Variants in MDGA2 observed in about 807,000 individuals in gnomAD.
MDGA2 encodes MAM domain-containing glycosylphosphatidylinositol anchor protein 2.
Under a neutral mutation model 117.8 loss-of-function variants are expected in MDGA2, and 40 were observed. The observed-to-expected ratio is 0.34, with a 90% CI of 0.26 to 0.44. The LOEUF (loss-of-function observed/expected upper bound fraction) is 0.44. MDGA2 is among the 20% of genes least tolerant of loss of function. The probability of loss-of-function intolerance (pLI) is 1.00; values close to 1 mark genes in which losing one functional copy is unlikely to be tolerated. For synonymous variants in MDGA2, 452 were observed against 439.0 expected (o/e 1.03, Z -0.37); for missense variants, 1,123 against 1,250.6 (o/e 0.90, Z 1.54).
chr14:47,448,613 G>T (rs1370715127), intron 1 of MDGA2, among the ~76,000 whole-genome samples: 1 of 152,108 alleles, frequency 6.6e-6, no homozygotes. Flanking sequence ...CAGGACAGAG[G>T]CTCACTTTTG....
chr14:46,894,353 T>A lies in MDGA2; in HGVS notation c.2239-12132A>T, dbSNP rs181600228. ...CTCCATTTCTTCTTCTTATATCAAATGTGTTGCTTTCAGTTTTTCCTGACA... is the reference window on the plus strand; with the variant it reads ...CTCCATTTCTTCTTCTTATATCAAAAGTGTTGCTTTCAGTTTTTCCTGACA... On this transcript the variant is annotated intron_variant, in intron 10 of 16. Transcript: ENST00000399232. Among the ~76,000 whole-genome samples, 10 of 152,230 alleles carry A rather than the reference T, an allele frequency of 6.6e-5. No individual in the cohort carries two copies. In the East Asian group the frequency reaches 9.7e-4, roughly 15 times the overall value.
chr14:47,311,524 A>G (rs4594173), intron 1 of MDGA2, among the ~76,000 whole-genome samples: 13,553 of 152,176 alleles, frequency 0.089, 736 homozygotes, highest in Non-Finnish European at 0.11. Context: ...CAGGAGACAG[A>G]GATCAGTGAG....
intron 4 of MDGA2, among the ~76,000 whole-genome samples, chr14:47,136,062 C>G (rs915171578): frequency 1.3e-5 from 2 of 152,048 alleles, no homozygotes; most frequent in Non-Finnish European, 2.9e-5. Flanking sequence ...TTCACCAAGG[C>G]TTGCTTTCTC....
chr14:47,674,817 ACTCACACACT>A lies in MDGA2; in HGVS notation c.-31_-22del, dbSNP rs1898149780. 1.6e-6 allele frequency: 1 copy of A among 642,748 alleles called. No individual in the cohort carries two copies. Among genetic ancestry groups the A allele is most frequent in the African/African-American group, 1.9e-5 (1 of 52,964 alleles). 39.8% of individuals were successfully genotyped at this position (642,748 alleles called of 1,614,324 possible). On this transcript the variant is annotated 5_prime_UTR_variant, in exon 1 of 17. Coordinates refer to ENST00000399232, the MANE Select transcript of MDGA2 (RefSeq NM_001113498.3). Reference sequence around the variant, plus strand: ...CTCATGCACACACACACTCACACACACTCACACACTCTCCCACAACACAATACCCTGACAC... The same window carrying A: ...CTCATGCACACACACACTCACACACACTCCCACAACACAATACCCTGACAC...
chr14:47,193,825 A>G (rs1389118377), intron 3 of MDGA2, among the ~76,000 whole-genome samples: 1 of 152,204 alleles, frequency 6.6e-6, no homozygotes, highest in East Asian at 1.9e-4. Context: ...GTCACTTGTC[A>G]TTTATTATAA....
At chr14:47,010,787 T>A (rs1003046680) in intron 8 of MDGA2, among the ~76,000 whole-genome samples, 1 of 152,072 alleles carries the variant, frequency 6.6e-6, no homozygotes, top group Admixed American at 6.6e-5. Flanking sequence ...AACAATTGCA[T>A]AGAAATGTCT....
intron 2 of MDGA2, among the ~76,000 whole-genome samples, chr14:47,237,985 C>A (rs2139595428): frequency 6.6e-6 from 1 of 152,232 alleles, no homozygotes; most frequent in South Asian, 2.1e-4. Flanking sequence ...GTTCACCAGG[C>A]CCTATATCCT....
intron 10 of MDGA2, among the ~76,000 whole-genome samples, chr14:46,891,328 T>TA (rs1882876114): frequency 6.6e-6 from 1 of 151,594 alleles, no homozygotes. Context: ...AATAAAATGA[T>TA]AAAAATGAAG....
At position 47,563,121 on chromosome 14, in the gene MDGA2, T is replaced by TA. The variant is rs1204938352; in HGVS notation, c.280+111395dup. Among the ~76,000 whole-genome samples, 11 of 151,838 alleles carry TA rather than the reference T, an allele frequency of 7.2e-5. No homozygotes were observed. In the East Asian group the frequency reaches 1.2e-3, roughly 16 times the overall value. ...CATGGTTGGTATGATTTCATTTTTT[T>TA]AAAAAAAAATTTCTGAGGATTGCTT... On this transcript the variant is annotated intron_variant, in intron 1 of 16. Transcript: ENST00000399232.
At chr14:47,454,032 C>T (rs1229139501) in intron 1 of MDGA2, among the ~76,000 whole-genome samples, 1 of 152,154 alleles carries the variant, frequency 6.6e-6, no homozygotes, top group African/African-American at 2.4e-5. Flanking sequence ...AAAATTATAG[C>T]ATACATTACT....
intron 1 of MDGA2, among the ~76,000 whole-genome samples, chr14:47,477,819 G>A (rs1454893474): frequency 6.6e-6 from 1 of 152,170 alleles, no homozygotes; most frequent in Non-Finnish European, 1.5e-5. Flanking sequence ...ACATCCCAGA[G>A]AGATTCCCAC....
At chr14:46,902,154 A>G (rs1262722629) in intron 10 of MDGA2, among the ~76,000 whole-genome samples, 2 of 152,202 alleles carry the variant, frequency 1.3e-5, no homozygotes, top group Non-Finnish European at 2.9e-5. Context: ...ATGTCTTTAT[A>G]TAAATACATC....
intron 2 of MDGA2, 120 bp downstream of exon 2, chr14:47,301,289 ACC>A: frequency 1.1e-6 from 1 of 948,936 alleles, no homozygotes; most frequent in Non-Finnish European, 1.5e-6. Flanking sequence ...ACACACCCAC[ACC>A]CACCCACACA....
intron 10 of MDGA2, among the ~76,000 whole-genome samples, chr14:46,918,599 CTG>C (rs1248992157): frequency 6.6e-6 from 1 of 152,084 alleles, no homozygotes; most frequent in Non-Finnish European, 1.5e-5. Context: ...CAGAGAAACA[CTG>C]TGAATGATCC....
intron 11 of MDGA2, among the ~76,000 whole-genome samples, chr14:46,881,367 T>G (rs896476306): frequency 4.6e-5 from 7 of 152,010 alleles, no homozygotes; most frequent in Admixed American, 3.9e-4. Flanking sequence ...AAAGGAGAGA[T>G]AAATGGGTAG....
chr14:47,404,696 G>A (rs1452376377), intron 1 of MDGA2, among the ~76,000 whole-genome samples: 1 of 151,918 alleles, frequency 6.6e-6, no homozygotes, highest in Non-Finnish European at 1.5e-5. Context: ...GTCTCACTAT[G>A]TTGCTCAGGT....
intron 6 of MDGA2, among the ~76,000 whole-genome samples, chr14:47,093,391 G>C (rs1226820858): frequency 2.6e-5 from 4 of 152,058 alleles, no homozygotes; most frequent in Admixed American, 2.0e-4. Context: ...TGAGAGAAGA[G>C]AGATGTAGGC....
At chr14:47,371,170 G>A (rs928343889) in intron 1 of MDGA2, among the ~76,000 whole-genome samples, 2 of 151,730 alleles carry the variant, frequency 1.3e-5, no homozygotes, top group African/African-American at 4.8e-5. Context: ...TCCCTGCTAG[G>A]ACATGCGATT....
intron 1 of MDGA2, among the ~76,000 whole-genome samples, chr14:47,365,079 C>A (rs1304545950): frequency 6.6e-6 from 1 of 152,172 alleles, no homozygotes; most frequent in African/African-American, 2.4e-5. Flanking sequence ...AGTTTGTTTT[C>A]TACACCCTTC....
Sources: gnomAD v4.1 joint callset for allele counts (sites outside exome capture counted in the v4.1 genomes callset) on GRCh38, gnomAD v4.1.1 for gene constraint, MANE v1.5 for transcripts, NCBI Gene and HGNC (gene_info 2026-07-23, HGNC 2026-07-21) for gene names.